YAE1: variants seen among roughly 807,000 people sequenced by gnomAD.
The protein encoded by YAE1 is protein YAE1 homolog.
YAE1 carries 22 observed loss-of-function variants against 23.0 expected under a neutral mutation model. The observed-to-expected ratio is 0.96, with a 90% CI of 0.68 to 1.37. The LOEUF (loss-of-function observed/expected upper bound fraction) is 1.37. Among genes scored for constraint, YAE1 ranks in the 40% most tolerant of loss-of-function variants. YAE1 has a pLI of 0.00. For missense variants in YAE1, 260 were observed against 262.1 expected, an observed-to-expected ratio of 0.99 and a Z score of 0.06; for synonymous variants, 101 against 97.0, an observed-to-expected ratio of 1.04 and a Z score of -0.24.
At chr7:39,611,237 T>A (rs1791211279), downstream of YAE1, among the ~76,000 whole-genome samples, 2 of 151,902 alleles carry the variant, frequency 1.3e-5, no homozygotes, top group South Asian at 4.2e-4. Flanking sequence ...AAATACATAG[T>A]GAGAAATTAG....
At chr7:39,594,981 T>TC (rs35172530) in intron 2 of YAE1, among the ~76,000 whole-genome samples, 7 of 152,216 alleles carry the variant, frequency 4.6e-5, no homozygotes, top group Admixed American at 1.3e-4. Context: ...ACCTGATTGC[T>TC]CCAGGTTATG....
At chr7:39,609,856 G>T in exon 3 of YAE1, 1 of 1,533,566 alleles carries the variant, frequency 6.5e-7, no homozygotes. Context: ...AGCCACCGCC[G>T]GCGTTTCAGA....
chr7:39,585,597 G>T (rs528393250), intron 2 of YAE1, among the ~76,000 whole-genome samples: 1 of 152,290 alleles, frequency 6.6e-6, no homozygotes, highest in South Asian at 2.1e-4. Context: ...TGCAGCCCTG[G>T]CAAGCTCATA....
chr7:39,600,138 A>G (rs1562596437), intron 2 of YAE1, among the ~76,000 whole-genome samples: 1 of 152,210 alleles, frequency 6.6e-6, no homozygotes, highest in African/African-American at 2.4e-5. Flanking sequence ...ACTACCTAGC[A>G]TAGTGCTTAG....
At chr7:39,588,430 G>T (rs1397975033) in intron 2 of YAE1, among the ~76,000 whole-genome samples, 3 of 150,080 alleles carry the variant, frequency 2.0e-5, no homozygotes, top group Non-Finnish European at 3.0e-5. Flanking sequence ...GAGATCGCTT[G>T]TTGCAGTGAA....
chr7:39,570,187 G>C (rs949355132), intron 1 of YAE1: 2 of 680,476 alleles, frequency 2.9e-6, no homozygotes, highest in Non-Finnish European at 5.0e-6. Context: ...CAAGACTCCT[G>C]GAGGGTGCCA....
intron 1 of YAE1, chr7:39,569,362 A>G: frequency 2.7e-6 from 1 of 371,636 alleles, no homozygotes; most frequent in South Asian, 2.8e-5. Flanking sequence ...CATGATATTA[A>G]GATAACTATA....
downstream of YAE1, among the ~76,000 whole-genome samples, chr7:39,611,785 G>T (rs1791223246): frequency 6.6e-6 from 1 of 152,102 alleles, no homozygotes; most frequent in South Asian, 2.1e-4. Flanking sequence ...ATTGTTTCTG[G>T]AAAGTCCTAT....
chr7:39,603,317 T>G (rs1201836108), intron 2 of YAE1, among the ~76,000 whole-genome samples: 1 of 152,186 alleles, frequency 6.6e-6, no homozygotes, highest in Non-Finnish European at 1.5e-5. Flanking sequence ...TTTTTGAATT[T>G]TTTAGTAGAG....
intron 1 of YAE1, among the ~76,000 whole-genome samples, chr7:39,567,679 A>T (rs1344987440): frequency 6.6e-6 from 1 of 152,130 alleles, no homozygotes; most frequent in Non-Finnish European, 1.5e-5. Context: ...ATATTTTTCT[A>T]AGGCATCACA....
At chr7:39,585,824 A>T (rs923691905) in intron 2 of YAE1, among the ~76,000 whole-genome samples, 7 of 152,198 alleles carry the variant, frequency 4.6e-5, no homozygotes, top group South Asian at 2.1e-4. Flanking sequence ...ATATATCTTG[A>T]TGGGAGCGGT....
At chr7:39,591,450 A>G (rs76427047) in intron 2 of YAE1, among the ~76,000 whole-genome samples, 5,059 of 152,234 alleles carry the variant, frequency 0.033, 138 homozygotes, top group Non-Finnish European at 0.051. Flanking sequence ...ATTTATCTTA[A>G]AATGCCTTTT....
At chr7:39,579,567 G>T (rs1414523966) in intron 2 of YAE1, among the ~76,000 whole-genome samples, 1 of 151,866 alleles carries the variant, frequency 6.6e-6, no homozygotes, top group Non-Finnish European at 1.5e-5. Context: ...TACTCAGGAG[G>T]CTGAGGCAGG....
intron 2 of YAE1, among the ~76,000 whole-genome samples, chr7:39,599,436 C>T (rs1011996742): frequency 3.3e-5 from 5 of 151,820 alleles, no homozygotes; most frequent in African/African-American, 1.2e-4. Flanking sequence ...AATGCAGTGG[C>T]GCAATCTCAG....
downstream of YAE1, among the ~76,000 whole-genome samples, chr7:39,611,985 T>C (rs1791226462): frequency 6.6e-6 from 1 of 152,362 alleles, no homozygotes; most frequent in Non-Finnish European, 1.5e-5. Context: ...TATTAATGAA[T>C]GTCTTTAACT....
rs570090538 is a variant in YAE1 at position 39,598,064 on chromosome 7, T to C, written c.252-11553T>C. Among the ~76,000 whole-genome samples, 5 of 152,174 alleles carry C rather than the reference T, an allele frequency of 3.3e-5. No individual in the cohort carries two copies. In the East Asian group the frequency reaches 7.7e-4, roughly 24 times the overall value. ...GGCTCAGGGGATCCTCCTTCCTTGG[T>C]GTCCTAAAGTCCTGGGATTACAGGC... On this transcript the variant is annotated intron_variant, in intron 2 of 2. Coordinates refer to the YAE1 transcript ENST00000432096.
chr7:39,578,768 A>G (rs972269982), intron 2 of YAE1, among the ~76,000 whole-genome samples: 1 of 152,246 alleles, frequency 6.6e-6, no homozygotes, highest in African/African-American at 2.4e-5. Context: ...CTGCAGCTTC[A>G]TTCTTGAAGT....
At chr7:39,593,173 A>ATT (rs1790924411) in intron 2 of YAE1, among the ~76,000 whole-genome samples, 16 of 40,026 alleles carry the variant, frequency 4.0e-4, no homozygotes, top group Admixed American at 9.3e-4. Flanking sequence ...CCATTTGGTT[A>ATT]TTTCTTTTTT....
chr7:39,569,605 TAC>T, intron 1 of YAE1: 2 of 598,584 alleles, frequency 3.3e-6, no homozygotes, highest in East Asian at 3.9e-5. Flanking sequence ...ACAAATATCA[TAC>T]AGAGTCCTAG....
Sources: gnomAD v4.1 joint callset for allele counts (sites outside exome capture counted in the v4.1 genomes callset) on GRCh38, gnomAD v4.1.1 for gene constraint, MANE v1.5 for transcripts, NCBI Gene and HGNC (gene_info 2026-07-23, HGNC 2026-07-21) for gene names.